The following TIMELESS variants were observed in gnomAD, a reference collection of about 807,000 sequenced individuals.
The protein encoded by TIMELESS is timeless circadian regulator.
In TIMELESS, 124 loss-of-function variants were observed where a neutral mutation model predicts 164.3. The ratio of observed to expected loss-of-function variants is 0.75; its 90% CI spans 0.65 to 0.88. The LOEUF (loss-of-function observed/expected upper bound fraction) is 0.88, where lower values mean the gene tolerates loss of function less well. TIMELESS is among the 40% of genes least tolerant of loss of function. The pLI is 0.00. For synonymous variants in TIMELESS, 564 were observed against 563.4 expected (o/e 1.00, Z -0.02); for missense variants, 1,422 against 1,491.4 (o/e 0.95, Z 0.77).
chr12:56,431,354 C>T, intron 8 of TIMELESS, 117 bp downstream of exon 8: 1 of 820,142 alleles, frequency 1.2e-6, no homozygotes, highest in Non-Finnish European at 1.7e-6. Flanking sequence ...AATTCTGTCT[C>T]AAAAAAAAAA....
rs776627312 is a variant in TIMELESS, at chr12:56,430,286, G to A, written c.910-5C>T. The stretch of plus-strand genomic sequence containing the variant: ...ATCTGAACTGTAGTTTCGTAGCTGG[G>A]TGTGTCGGTTGGGGGATTAGAATTA... On this transcript the variant is annotated splice_region_variant and splice_polypyrimidine_tract_variant and intron_variant, in intron 9 of 28. Transcript: ENST00000553532. 6.2e-7 allele frequency: 1 copy of A among 1,611,308 alleles called. No individual in the cohort carries two copies. Among genetic ancestry groups the A allele is most frequent in the Non-Finnish European group, 8.5e-7 (1 of 1,178,514 alleles).
Position 56,418,541 on chromosome 12 carries a change from AG to A in TIMELESS, c.3229-183del, listed in dbSNP as rs199691442. Among the ~76,000 whole-genome samples the A allele has an allele frequency of 7.4e-5, 11 of 149,602 alleles. No individual in the cohort carries two copies. In the East Asian group the frequency reaches 2.1e-3, roughly 29 times the overall value. ...CTAGCACAGTGCCTGCTACATTAGG[AG>A]GTTCCCAGTTATAGGTTTTTTTGGT... is the stretch of plus-strand genomic sequence containing the variant. On this transcript the variant is annotated intron_variant, in intron 26 of 28. Transcript: ENST00000553532.
At position 56,423,678 on chromosome 12, in the gene TIMELESS, C is replaced by T. The variant is rs1356729762; in HGVS notation, c.1996G>A (p.Glu666Lys). The change falls in exon 17 of 29, where the codon GAG becomes AAG. Residue 666 changes from glutamate (E) to lysine (K), a missense_variant. By Grantham distance (56) the Glu-to-Lys change is moderately conservative (BLOSUM62 1). Transcript: ENST00000553532. ...RQQGPEERGA[E>K]EEEEEEEEEE... Reference sequence around the variant, plus strand: ...TCCTCCTCCTCCTCTTCTTCTTCCTCTGCCCCACGTTCCTCTGGGCCCTGC... The same window carrying T: ...TCCTCCTCCTCCTCTTCTTCTTCCTTTGCCCCACGTTCCTCTGGGCCCTGC... 2 of 1,614,060 alleles carry T rather than the reference C, an allele frequency of 1.2e-6. No homozygotes were observed. Among genetic ancestry groups the T allele is most frequent in the Non-Finnish European group, 1.7e-6 (2 of 1,179,946 alleles).
At position 56,423,837 on chromosome 12, in the gene TIMELESS, C is replaced by T. The variant is rs1354825071; in HGVS notation, c.1926G>A (p.Glu642=). ...AGAGGATTTGTTTCAGCAACTGGAT[C>T]TCTTCCTCTGGAGAAATGTCTTGAG... is the stretch of plus-strand genomic sequence containing the variant. ...FGSQDISPEE[E]IQLLKQILSA... The change falls in exon 16 of 29, where the codon GAG becomes GAA. Residue 642 remains glutamate, a synonymous_variant. Transcript: ENST00000553532. 6.2e-7 allele frequency: 1 copy of T among 1,614,098 alleles called. No homozygotes were observed.
intron 13 of TIMELESS, among the ~76,000 whole-genome samples, chr12:56,426,999 C>T (rs1402625039): frequency 6.6e-6 from 1 of 152,144 alleles, no homozygotes; most frequent in Non-Finnish European, 1.5e-5. Context: ...TGGTCTCACC[C>T]AGACTGGAGT....
At chr12:56,439,188 AAAAAAAAAG>A (rs1882173107) in intron 1 of TIMELESS, among the ~76,000 whole-genome samples, 1 of 147,794 alleles carries the variant, frequency 6.8e-6, no homozygotes, top group Non-Finnish European at 1.5e-5. Flanking sequence ...AAAAAAAAAA[AAAAAAAAAG>A]AAGCCAAACA....
intron 26 of TIMELESS, among the ~76,000 whole-genome samples, chr12:56,418,640 CAATCATG>C (rs1260773728): frequency 6.7e-6 from 1 of 149,368 alleles, no homozygotes; most frequent in African/African-American, 2.5e-5. Flanking sequence ...TGCAGTGGCA[CAATCATG>C]GTCCACTGTA....
intron 13 of TIMELESS, among the ~76,000 whole-genome samples, chr12:56,427,707 C>T (rs760999620): frequency 9.2e-5 from 14 of 152,142 alleles, no homozygotes; most frequent in Admixed American, 6.6e-5. Context: ...TTCTGAGTAG[C>T]TGGGATTACA....
chr12:56,424,530 G>T (rs1423252695), intron 15 of TIMELESS, among the ~76,000 whole-genome samples: 1 of 152,166 alleles, frequency 6.6e-6, no homozygotes, highest in East Asian at 1.9e-4. Context: ...TATTGATGAT[G>T]TCAAGTGAGG....
intron 14 of TIMELESS, 47 bp downstream of exon 14, chr12:56,424,967 AC>A (rs1197115275): frequency 1.9e-6 from 3 of 1,613,894 alleles, no homozygotes; most frequent in African/African-American, 1.3e-5. Flanking sequence ...CAGATTGTAT[AC>A]CCTGAGCACT....
intron 26 of TIMELESS, among the ~76,000 whole-genome samples, 153 bp from the exon 27 acceptor site, chr12:56,418,512 G>A (rs1365823420): frequency 6.6e-6 from 1 of 151,290 alleles, no homozygotes; most frequent in Non-Finnish European, 1.5e-5. Context: ...TATATACCCA[G>A]TGCCTAGCAC....
chr12:56,431,663 C>T (rs1386204168), intron 7 of TIMELESS, 59 bp from the exon 8 acceptor site: 17 of 1,574,734 alleles, frequency 1.1e-5, no homozygotes, highest in East Asian at 4.6e-5. Context: ...CCTGAGTTCA[C>T]GCCTACTGGG....
intron 22 of TIMELESS, 95 bp downstream of exon 22, chr12:56,421,632 G>T: frequency 6.5e-7 from 1 of 1,532,814 alleles, no homozygotes; most frequent in Non-Finnish European, 9.0e-7. Context: ...CAGAAGGGAT[G>T]GGAGAATCTT....
Position 56,430,146 on chromosome 12 carries a change from A to T in TIMELESS, c.1045T>A (p.Phe349Ile), listed in dbSNP as rs1881823961. The change falls in exon 10 of 29, where the codon TTC becomes ATC. Residue 349 changes from phenylalanine (F) to isoleucine (I), a missense_variant. Physicochemically the swap from Phe to Ile is conservative, Grantham distance 21 (BLOSUM62 0). Coordinates refer to ENST00000553532, the MANE Select transcript of TIMELESS (RefSeq NM_003920.5). ...AGCCGGTTGTAACAGTTCTCCAGGA[A>T]CTCAGAGCAGAAGTCTCTGAGGAAG... is the stretch of plus-strand genomic sequence containing the variant. ...RLFLRDFCSE[F>I]LENCYNRLMG... The T allele has an allele frequency of 1.2e-6, 2 of 1,613,816 alleles. No individual in the cohort carries two copies. Among genetic ancestry groups the T allele is most frequent in the African/African-American group, 1.3e-5 (1 of 74,936 alleles).
At chr12:56,429,497 C>CTTTTTTTTT (rs35987061) in intron 10 of TIMELESS, among the ~76,000 whole-genome samples, 1 of 50,084 alleles carries the variant, frequency 2.0e-5, no homozygotes, top group Non-Finnish European at 3.7e-5. Flanking sequence ...TGCGCCTGGT[C>CTTTTTTTTT]TTTTTTTTTT....
In TIMELESS at chr12:56,423,070, A is replaced by G. The variant is rs906963852; in HGVS notation, c.2293-78T>C. ...ACCTGGCCCTCTAGGTATTTTCTCT[A>G]TAGCTGTTCCCAGCTGCCCCCTCCT... On this transcript the variant is annotated intron_variant, in intron 18 of 28. Transcript: ENST00000553532. 3.3e-6 allele frequency: 5 copies of G among 1,532,782 alleles called. No homozygotes were observed. The African/African-American group carries it at 4.1e-5, about 13-fold the overall frequency. The allele number at this position is 1,532,782 out of a possible 1,614,324, so 94.9% of individuals were successfully genotyped here.
intron 26 of TIMELESS, among the ~76,000 whole-genome samples, chr12:56,420,062 GTGTGTGTGTATA>G (rs771543185): frequency 1.2e-4 from 11 of 90,478 alleles, no homozygotes; most frequent in East Asian, 2.4e-4. Flanking sequence ...GTGTGTGTGT[GTGTGTGTGTATA>G]TATATATATA....
chr12:56,422,388 G>T (rs1422063273), intron 19 of TIMELESS, among the ~76,000 whole-genome samples, 197 bp from the exon 20 acceptor site: 2 of 152,142 alleles, frequency 1.3e-5, no homozygotes, highest in African/African-American at 4.8e-5. Flanking sequence ...CAAACTAAGA[G>T]ATTTTCCAGG....
chr12:56,426,651 C>T (rs1384577727), intron 13 of TIMELESS, among the ~76,000 whole-genome samples: 1 of 151,922 alleles, frequency 6.6e-6, no homozygotes, highest in Non-Finnish European at 1.5e-5. Flanking sequence ...CCTCCGCCTC[C>T]CGGGTTCAAG....
Sources: gnomAD v4.1 joint callset for allele counts (sites outside exome capture counted in the v4.1 genomes callset) on GRCh38, gnomAD v4.1.1 for gene constraint, MANE v1.5 for transcripts, NCBI Gene and HGNC (gene_info 2026-07-23, HGNC 2026-07-21) for gene names.